STRN3: variants seen among roughly 807,000 people sequenced by gnomAD.
STRN3 encodes striatin 3, also known as striatin-3.
A neutral mutation model predicts 95.6 loss-of-function variants in STRN3; 29 were observed. The ratio of observed to expected loss-of-function variants is 0.30; its 90% CI spans 0.23 to 0.41. The LOEUF is 0.41. Ranked by LOEUF, STRN3 falls within the 10% of genes least tolerant of loss-of-function variation. STRN3 has a pLI of 1.00. For missense variants in STRN3, 890 were observed against 972.1 expected, an observed-to-expected ratio of 0.92 and a Z score of 1.12; for synonymous variants, 331 against 357.6, an observed-to-expected ratio of 0.93 and a Z score of 0.84.
Position 30,894,897 on chromosome 14 carries a change from T to TC in STRN3, c.*513_*514insG, listed in dbSNP as rs750140642. On this transcript the variant is annotated 3_prime_UTR_variant, in exon 18 of 18. Coordinates refer to ENST00000357479, the MANE Select transcript of STRN3 (RefSeq NM_001083893.2). ...TTTAAGTTAAATTTTCTTTTTCTTT[T>TC]TTTTTTTTTTTAAAGCAAAATAAGT... is the stretch of plus-strand genomic sequence containing the variant. 3.4e-5 allele frequency: 35 copies of TC among 1,041,602 alleles called. 1 individual carries two copies. The highest frequency in any genetic ancestry group is 3.8e-5 in the Non-Finnish European group (31 of 806,350). 64.5% of individuals were successfully genotyped at this position (1,041,602 alleles called of 1,614,324 possible). A position where few individuals can be genotyped will look rare whatever the true frequency, so the allele number is the denominator to read the frequency against.
Position 30,919,099 on chromosome 14 carries a change from G to C in STRN3, c.1107C>G (p.Asn369Lys). ...RKGKKGVKRA[N>K]RTKLYDMIAD... ...CTATCATGTCGTAGAGTTTTGTCCT[G>C]TTGGCCCCTGTAAATTAATGTCAGC... The change falls in exon 9 of 18, where the codon AAC becomes AAG. Residue 369 changes from asparagine to lysine, a missense_variant. By Grantham distance (94) the Asn-to-Lys change is moderately conservative (BLOSUM62 0). Coordinates refer to ENST00000357479, the MANE Select transcript of STRN3 (RefSeq NM_001083893.2). 1.9e-6 allele frequency: 3 copies of C among 1,600,492 alleles called. No homozygotes were observed. Among genetic ancestry groups the C allele is most frequent in the African/African-American group, 1.3e-5 (1 of 74,454 alleles).
At chr14:30,912,910 T>A (rs556257008) in intron 10 of STRN3, among the ~76,000 whole-genome samples, 1 of 151,948 alleles carries the variant, frequency 6.6e-6, no homozygotes, top group African/African-American at 2.4e-5. Context: ...GAAAAAAAAA[T>A]TGCTGAAAAA....
intron 16 of STRN3, 28 bp downstream of exon 16, chr14:30,902,508 T>G: frequency 7.0e-7 from 1 of 1,422,054 alleles, no homozygotes; most frequent in South Asian, 1.2e-5. Flanking sequence ...ACAGTATTAC[T>G]AATATGAAAA....
chr14:30,969,535 C>T (rs1259469913), intron 1 of STRN3, among the ~76,000 whole-genome samples: 1 of 151,894 alleles, frequency 6.6e-6, no homozygotes, highest in African/African-American at 2.4e-5. Context: ...ATTAATAACA[C>T]ACTAATATAA....
intron 1 of STRN3, among the ~76,000 whole-genome samples, chr14:30,980,001 C>T (rs1302210858): frequency 1.3e-5 from 2 of 151,830 alleles, no homozygotes; most frequent in Admixed American, 1.3e-4. Flanking sequence ...GTAATCCCAA[C>T]CACCTTGGGA....
In STRN3 at chr14:30,895,455, T is replaced by C. The variant is rs1481507636; in HGVS notation, c.2350A>G (p.Ile784Val). Reference protein sequence around the residue: ...DVAFHSSKAYIASAGADALAK... With the variant: ...DVAFHSSKAYVASAGADALAK... ...AGAGCATCAGCTCCTGCACTAGCTATATATGCTTTTGACGAGTGGAAAGCA... is the reference window on the plus strand; with the variant it reads ...AGAGCATCAGCTCCTGCACTAGCTACATATGCTTTTGACGAGTGGAAAGCA... The change falls in exon 18 of 18, where the codon ATA becomes GTA. Residue 784 changes from isoleucine to valine, a missense_variant. Physicochemically the swap from Ile to Val is conservative, Grantham distance 29. Transcript: ENST00000357479. 5 of 1,613,920 alleles carry C rather than the reference T, an allele frequency of 3.1e-6. No homozygotes were observed. The highest frequency in any genetic ancestry group is 2.2e-5 in the South Asian group (2 of 91,058).
chr14:30,995,993 T>C (rs950028449), intron 1 of STRN3, among the ~76,000 whole-genome samples: 2 of 152,194 alleles, frequency 1.3e-5, no homozygotes, highest in African/African-American at 2.4e-5. Flanking sequence ...ACGCCCAACT[T>C]AGGACAATTC....
intron 1 of STRN3, among the ~76,000 whole-genome samples, chr14:31,001,442 G>C (rs1018979824): frequency 3.3e-5 from 5 of 151,708 alleles, no homozygotes; most frequent in Non-Finnish European, 7.4e-5. Flanking sequence ...AGGTTAAAGC[G>C]GAAGAATCAC....
chr14:30,917,597 T>C (rs1253513010), intron 9 of STRN3, among the ~76,000 whole-genome samples: 1 of 152,040 alleles, frequency 6.6e-6, no homozygotes, highest in Admixed American at 6.5e-5. Context: ...TAGAAAATAC[T>C]TCTAAAGTAA....
chr14:30,939,013 A>G (rs569002218), intron 5 of STRN3, among the ~76,000 whole-genome samples: 1 of 152,282 alleles, frequency 6.6e-6, no homozygotes, highest in South Asian at 2.1e-4. Context: ...CAGAGACAAG[A>G]ATTCTCCTCA....
intron 16 of STRN3, among the ~76,000 whole-genome samples, chr14:30,896,937 A>C (rs1248044455): frequency 6.6e-6 from 1 of 152,214 alleles, no homozygotes; most frequent in East Asian, 1.9e-4. Context: ...CTTTGGGGCA[A>C]GGGCATCCTG....
intron 5 of STRN3, among the ~76,000 whole-genome samples, chr14:30,938,956 A>G (rs183949058): frequency 6.6e-6 from 1 of 152,294 alleles, no homozygotes; most frequent in Admixed American, 6.5e-5. Context: ...CTAACAACCT[A>G]GCCTATTACT....
chr14:30,982,804 T>C (rs1220338441), intron 1 of STRN3, among the ~76,000 whole-genome samples: 1 of 152,162 alleles, frequency 6.6e-6, no homozygotes, highest in Non-Finnish European at 1.5e-5. Flanking sequence ...CTCGTTATGT[T>C]GCCCAGATGG....
At chr14:30,982,474 A>AT (rs1881460370) in intron 1 of STRN3, among the ~76,000 whole-genome samples, 1 of 151,996 alleles carries the variant, frequency 6.6e-6, no homozygotes, top group Non-Finnish European at 1.5e-5. Context: ...CTCCCGGCTA[A>AT]TTTTTTTGTA....
At chr14:30,896,167 A>C (rs893546071) in intron 16 of STRN3, among the ~76,000 whole-genome samples, 42 of 152,342 alleles carry the variant, frequency 2.8e-4, no homozygotes, top group African/African-American at 1.0e-3. Flanking sequence ...TTTTAAGGGT[A>C]CATCCACCAC....
intron 1 of STRN3, among the ~76,000 whole-genome samples, chr14:30,999,407 T>C (rs1322479182): frequency 6.6e-6 from 1 of 152,144 alleles, no homozygotes; most frequent in Non-Finnish European, 1.5e-5. Flanking sequence ...GAAAATAATG[T>C]CTAAAGAACT....
chr14:30,906,738 A>G (rs1291572557), intron 14 of STRN3, 139 bp downstream of exon 14: 2 of 970,268 alleles, frequency 2.1e-6, no homozygotes, highest in Non-Finnish European at 2.9e-6. Context: ...AAATGAGTAA[A>G]AAGTTTATCC....
rs1896748198 is a variant in STRN3, at chr14:30,916,639, A to C, written c.1240+2327T>G. Among the ~76,000 whole-genome samples the C allele has an allele frequency of 5.9e-5, 9 of 152,072 alleles. No homozygotes were observed. In the South Asian group the frequency reaches 1.7e-3, roughly 28 times the overall value. On this transcript the variant is annotated intron_variant, in intron 9 of 17. Coordinates refer to ENST00000357479, the MANE Select transcript of STRN3 (RefSeq NM_001083893.2). Reference sequence around the variant, plus strand: ...AGAGACAGAGTTTGCTATGTTGCCCAGGCTGGTCTTGAATTCCTGGGCTCA... The same window carrying C: ...AGAGACAGAGTTTGCTATGTTGCCCCGGCTGGTCTTGAATTCCTGGGCTCA...
intron 1 of STRN3, among the ~76,000 whole-genome samples, chr14:31,010,795 T>C (rs1425214301): frequency 6.6e-6 from 1 of 152,210 alleles, no homozygotes; most frequent in African/African-American, 2.4e-5. Context: ...TTCCAGCACT[T>C]TGGGAGGCCA....
Sources: gnomAD v4.1 joint callset for allele counts (sites outside exome capture counted in the v4.1 genomes callset) on GRCh38, gnomAD v4.1.1 for gene constraint, MANE v1.5 for transcripts, NCBI Gene and HGNC (gene_info 2026-07-23, HGNC 2026-07-21) for gene names.